Variants in CLIC4 observed in about 807,000 individuals in gnomAD.
CLIC4 encodes the protein chloride intracellular channel protein 4.
In CLIC4, 13 loss-of-function variants were observed where a neutral mutation model predicts 24.6. The observed-to-expected ratio is 0.53, with a 90% CI of 0.34 to 0.84. The LOEUF (loss-of-function observed/expected upper bound fraction) is 0.84, where lower values mean the gene tolerates loss of function less well. CLIC4 is among the 40% of genes least tolerant of loss of function. CLIC4 has a pLI of 0.01. For missense variants in CLIC4, 227 were observed against 301.7 expected (o/e 0.75, Z 1.83); for synonymous variants, 104 against 111.3 (o/e 0.93, Z 0.41).
At chr1:24,762,413 C>T (rs1638939363) in intron 1 of CLIC4, among the ~76,000 whole-genome samples, 1 of 152,022 alleles carries the variant, frequency 6.6e-6, no homozygotes, top group Non-Finnish European at 1.5e-5. Context: ...GAGTGAGACT[C>T]TCTCTAAAGA....
chr1:24,819,482 G>A (rs1639704093), intron 3 of CLIC4, among the ~76,000 whole-genome samples: 1 of 151,006 alleles, frequency 6.6e-6, no homozygotes, highest in African/African-American at 2.4e-5. Context: ...TTGTTGCCCA[G>A]GCTGGAGTGC....
At chr1:24,780,922 T>C (rs900771095) in intron 1 of CLIC4, among the ~76,000 whole-genome samples, 3 of 150,870 alleles carry the variant, frequency 2.0e-5, no homozygotes, top group African/African-American at 4.9e-5. Context: ...GCCCTGTCTC[T>C]ACTAAAAATA....
At chr1:24,745,663 C>A (rs1486531404) in intron 1 of CLIC4, 38 bp downstream of exon 1, 9 of 1,499,408 alleles carry the variant, frequency 6.0e-6, no homozygotes, top group Non-Finnish European at 8.1e-6. Flanking sequence ...GGCAGATCCC[C>A]CGGCTCCCTC....
chr1:24,757,082 A>G (rs1348767209), intron 1 of CLIC4, among the ~76,000 whole-genome samples: 1 of 151,946 alleles, frequency 6.6e-6, no homozygotes, highest in Admixed American at 6.6e-5. Flanking sequence ...TTTAGTAGAG[A>G]TGGGGTTTCT....
intron 3 of CLIC4, among the ~76,000 whole-genome samples, chr1:24,824,425 G>A (rs929120125): frequency 6.6e-6 from 1 of 152,104 alleles, no homozygotes; most frequent in Non-Finnish European, 1.5e-5. Context: ...CCGCTACCAT[G>A]CCTGGCTGAT....
At chr1:24,809,995 G>A (rs1456882489) in intron 2 of CLIC4, among the ~76,000 whole-genome samples, 1 of 152,126 alleles carries the variant, frequency 6.6e-6, no homozygotes, top group Non-Finnish European at 1.5e-5. Flanking sequence ...AAACTTCTCC[G>A]TAAACCCAAT....
intron 1 of CLIC4, among the ~76,000 whole-genome samples, chr1:24,765,815 C>CTTTCTT (rs1553189601): frequency 7.4e-6 from 1 of 135,384 alleles, no homozygotes; most frequent in Non-Finnish European, 1.5e-5. Flanking sequence ...TTCTTTCTTT[C>CTTTCTT]TTTTTTTTTT....
At chr1:24,746,235 T>A (rs952090668) in intron 1 of CLIC4, among the ~76,000 whole-genome samples, 5 of 152,250 alleles carry the variant, frequency 3.3e-5, no homozygotes, top group Admixed American at 3.3e-4. Flanking sequence ...TTTTTCTGTC[T>A]TGGGCATTTA....
chr1:24,805,534 A>G lies in CLIC4; in HGVS notation c.182+7683A>G, dbSNP rs1639541161. On this transcript the variant is annotated intron_variant, in intron 2 of 5. Transcript: ENST00000374379. Reference sequence around the variant, plus strand: ...TCTTTGATATGTGTGAATTAATTTTATGCCCTGAAAATCAGCACCTTCAAA... The same window carrying G: ...TCTTTGATATGTGTGAATTAATTTTGTGCCCTGAAAATCAGCACCTTCAAA... 2.6e-5 allele frequency among the ~76,000 whole-genome samples: 4 copies of G among 152,146 alleles called. No homozygotes were observed. In the South Asian group the frequency reaches 8.3e-4, roughly 31 times the overall value.
At chr1:24,766,146 A>G (rs920269684) in intron 1 of CLIC4, among the ~76,000 whole-genome samples, 3 of 152,022 alleles carry the variant, frequency 2.0e-5, no homozygotes, top group African/African-American at 7.2e-5. Flanking sequence ...AGTTGGGACT[A>G]TAGACGTGCC....
intron 1 of CLIC4, among the ~76,000 whole-genome samples, chr1:24,773,258 T>A (rs1226837824): frequency 6.6e-6 from 1 of 152,114 alleles, no homozygotes; most frequent in Non-Finnish European, 1.5e-5. Context: ...CTTGGTGGAG[T>A]GTCTAGTTAA....
At chr1:24,781,211 T>A (rs1454106597) in intron 1 of CLIC4, among the ~76,000 whole-genome samples, 1 of 145,464 alleles carries the variant, frequency 6.9e-6, no homozygotes, top group Non-Finnish European at 1.5e-5. Context: ...CTCAGCTCAC[T>A]GCAACCTCTG....
intron 2 of CLIC4, among the ~76,000 whole-genome samples, chr1:24,811,710 A>C (rs1308860766): frequency 6.6e-6 from 1 of 151,468 alleles, no homozygotes; most frequent in Non-Finnish European, 1.5e-5. Flanking sequence ...GAACTCCTGG[A>C]CTCAAGCAAT....
intron 2 of CLIC4, among the ~76,000 whole-genome samples, chr1:24,801,940 A>G (rs1352962961): frequency 6.6e-6 from 1 of 152,194 alleles, no homozygotes; most frequent in Non-Finnish European, 1.5e-5. Flanking sequence ...GTAAGAATGA[A>G]ATAAGTCATG....
At chr1:24,810,565 G>A (rs1271363249) in intron 2 of CLIC4, among the ~76,000 whole-genome samples, 2 of 152,064 alleles carry the variant, frequency 1.3e-5, no homozygotes, top group Non-Finnish European at 2.9e-5. Flanking sequence ...AATTAAAGTT[G>A]AGAAATTAGC....
At chr1:24,758,664 G>A (rs989911256) in intron 1 of CLIC4, among the ~76,000 whole-genome samples, 2 of 152,018 alleles carry the variant, frequency 1.3e-5, no homozygotes, top group East Asian at 1.9e-4. Flanking sequence ...GCCGTTGTTC[G>A]CCAGGCTGAT....
At chr1:24,771,219 G>C (rs1639067152) in intron 1 of CLIC4, among the ~76,000 whole-genome samples, 1 of 152,172 alleles carries the variant, frequency 6.6e-6, no homozygotes, top group African/African-American at 2.4e-5. Flanking sequence ...ATATTTCGGG[G>C]TTTTAGGGAT....
intron 4 of CLIC4, among the ~76,000 whole-genome samples, chr1:24,828,382 ACTAATGTTTCTGT>A (rs1171417562): frequency 6.6e-6 from 1 of 151,508 alleles, no homozygotes; most frequent in East Asian, 1.9e-4. Context: ...TTTTTTCCTG[ACTAATGTTTCTGT>A]CTAAGCAATT....
At chr1:24,783,935 T>G (rs948870672) in intron 1 of CLIC4, among the ~76,000 whole-genome samples, 37 of 151,924 alleles carry the variant, frequency 2.4e-4, no homozygotes, top group African/African-American at 8.5e-4. Context: ...TACAGATAGC[T>G]GAGTCCAAAA....
Sources: gnomAD v4.1 joint callset for allele counts (sites outside exome capture counted in the v4.1 genomes callset) on GRCh38, gnomAD v4.1.1 for gene constraint, MANE v1.5 for transcripts, NCBI Gene and HGNC (gene_info 2026-07-23, HGNC 2026-07-21) for gene names.